Variants in TNFSF4 observed in about 807,000 individuals in gnomAD.
TNFSF4 encodes the protein tumor necrosis factor ligand superfamily member 4.
A neutral mutation model predicts 7.3 loss-of-function variants in TNFSF4; 4 were observed. The observed-to-expected ratio is 0.55, with a 90% CI of 0.27 to 1.25. TNFSF4 has a LOEUF of 1.25. Ranked by LOEUF, TNFSF4 falls within the 50% of genes most tolerant of loss-of-function variation. The pLI, the probability that TNFSF4 is intolerant of heterozygous loss-of-function variation, is 0.12. For synonymous variants in TNFSF4, 76 were observed against 83.7 expected, an observed-to-expected ratio of 0.91 and a Z score of 0.50; for missense variants, 181 against 208.8, an observed-to-expected ratio of 0.87 and a Z score of 0.82.
the TNFSF4 span, among the ~76,000 whole-genome samples, chr1:173,349,092 A>G: frequency 0.3 from 46,234 of 151,918 alleles, 7,230 homozygotes; most frequent in East Asian, 0.35. Flanking sequence ...GCAGTGGTGC[A>G]ATCATGGCTC....
At chr1:173,302,431 T>C in the TNFSF4 span, among the ~76,000 whole-genome samples, 1 of 151,852 alleles carries the variant, frequency 6.6e-6, no homozygotes. Flanking sequence ...AACCAGCATA[T>C]GTGAAAGATG....
At chr1:173,292,150 G>A in the TNFSF4 span, among the ~76,000 whole-genome samples, 1 of 152,002 alleles carries the variant, frequency 6.6e-6, no homozygotes, top group East Asian at 1.9e-4. Context: ...ACCAGCATCA[G>A]CCTGATACCA....
chr1:173,292,947 T>G, the TNFSF4 span, among the ~76,000 whole-genome samples: 1 of 151,842 alleles, frequency 6.6e-6, no homozygotes, highest in African/African-American at 2.4e-5. Context: ...AAGTGAAAGC[T>G]CTCTATAATG....
the TNFSF4 span, among the ~76,000 whole-genome samples, chr1:173,394,323 T>C: frequency 5.9e-5 from 9 of 152,146 alleles, no homozygotes; most frequent in Admixed American, 2.0e-4. Context: ...GACTTTAATA[T>C]TGAAATGATT....
At chr1:173,352,830 G>T in the TNFSF4 span, among the ~76,000 whole-genome samples, 1 of 152,172 alleles carries the variant, frequency 6.6e-6, no homozygotes, top group African/African-American at 2.4e-5. Context: ...TCCCTTATCT[G>T]TAACTGCATA....
chr1:173,427,622 T>C, the TNFSF4 span, among the ~76,000 whole-genome samples: 1 of 152,174 alleles, frequency 6.6e-6, no homozygotes, highest in Non-Finnish European at 1.5e-5. Flanking sequence ...CTCTGATAAG[T>C]CTCTAGAGTC....
chr1:173,215,138 C>A, the TNFSF4 span, among the ~76,000 whole-genome samples: 2 of 152,090 alleles, frequency 1.3e-5, no homozygotes, highest in Non-Finnish European at 2.9e-5. Flanking sequence ...CACCAGAGAC[C>A]TTGAGCCATC....
chr1:173,397,504 G>A, the TNFSF4 span, among the ~76,000 whole-genome samples: 1 of 152,162 alleles, frequency 6.6e-6, no homozygotes, highest in Non-Finnish European at 1.5e-5. Context: ...CAGGGTAGTG[G>A]ATTATGAAAG....
chr1:173,345,233 A>C, the TNFSF4 span, among the ~76,000 whole-genome samples: 1 of 152,250 alleles, frequency 6.6e-6, no homozygotes, highest in South Asian at 2.1e-4. Flanking sequence ...AATAAGAGAA[A>C]TAATACACAC....
At chr1:173,314,758 A>G in the TNFSF4 span, among the ~76,000 whole-genome samples, 1 of 152,156 alleles carries the variant, frequency 6.6e-6, no homozygotes, top group African/African-American at 2.4e-5. Flanking sequence ...ATCATGATGT[A>G]ATGCTGAACT....
At chr1:173,188,625 G>T in intron 1 of TNFSF4, 56 bp from the exon 2 acceptor site, 4 of 1,451,426 alleles carry the variant, frequency 2.8e-6, no homozygotes, top group East Asian at 4.5e-5. Flanking sequence ...AATGAAATTC[G>T]CAAGTCATAT....
chr1:173,313,704 A>G, the TNFSF4 span, among the ~76,000 whole-genome samples: 1 of 152,038 alleles, frequency 6.6e-6, no homozygotes, highest in African/African-American at 2.4e-5. Flanking sequence ...AGTTCTCTTA[A>G]TGACTTGTCA....
At chr1:173,422,288 A>G in the TNFSF4 span, among the ~76,000 whole-genome samples, 1 of 142,308 alleles carries the variant, frequency 7.0e-6, no homozygotes, top group Non-Finnish European at 1.5e-5. Context: ...GCCATAAACA[A>G]TGCAGAATGA....
At chr1:173,206,011 A>G (rs537766665) in intron 1 of TNFSF4, among the ~76,000 whole-genome samples, 2 of 152,366 alleles carry the variant, frequency 1.3e-5, no homozygotes, top group African/African-American at 2.4e-5. Flanking sequence ...AGGCAGAAAC[A>G]AGCCCAGGCA....
the TNFSF4 span, among the ~76,000 whole-genome samples, chr1:173,248,733 CT>C: frequency 6.6e-6 from 1 of 152,092 alleles, no homozygotes; most frequent in Non-Finnish European, 1.5e-5. Flanking sequence ...AAATTTGGAG[CT>C]TATGGTAACA....
the TNFSF4 span, among the ~76,000 whole-genome samples, chr1:173,173,196 T>C: frequency 6.6e-6 from 1 of 152,134 alleles, no homozygotes; most frequent in South Asian, 2.1e-4. Context: ...GACTATATCA[T>C]TCTACCCCTG....
the TNFSF4 span, among the ~76,000 whole-genome samples, chr1:173,358,115 G>GAGAGTC: frequency 6.6e-6 from 1 of 152,216 alleles, no homozygotes; most frequent in Non-Finnish European, 1.5e-5. Flanking sequence ...AGAAAAGTAG[G>GAGAGTC]AGAGTCAGAG....
chr1:173,334,366 A>T, the TNFSF4 span, among the ~76,000 whole-genome samples: 2 of 152,222 alleles, frequency 1.3e-5, no homozygotes, highest in Non-Finnish European at 1.5e-5. Context: ...TCTCAAATTA[A>T]AGAATATAAT....
At chr1:173,206,989 C>T in intron 1 of TNFSF4, 35 bp downstream of exon 1, 1 of 1,567,368 alleles carries the variant, frequency 6.4e-7, no homozygotes, top group Non-Finnish European at 8.7e-7. Flanking sequence ...TCAGCATGAG[C>T]TGGTGGGAAA....
Sources: allele counts gnomAD v4.1 joint callset (sites outside exome capture counted in the v4.1 genomes callset), GRCh38; gene constraint gnomAD v4.1.1; transcripts MANE v1.5; gene names NCBI Gene and HGNC (gene_info 2026-07-23, HGNC 2026-07-21).